VAT1L: variants seen among roughly 807,000 people sequenced by gnomAD.
The protein encoded by VAT1L is vesicle amine transport 1 like, also known as putative NADPH-dependent quinone oxidoreductase VAT1L.
In VAT1L, 34 loss-of-function variants were observed where a neutral mutation model predicts 44.1. That is an observed-to-expected ratio of 0.77 (90% confidence interval 0.59 to 1.03). The LOEUF (loss-of-function observed/expected upper bound fraction) is 1.03. Among genes scored for constraint, VAT1L ranks in the 50% least tolerant of loss-of-function variants. VAT1L has a pLI of 0.00. For synonymous variants in VAT1L, 253 were observed against 202.2 expected, an observed-to-expected ratio of 1.25 and a Z score of -2.13; for missense variants, 615 against 538.8, an observed-to-expected ratio of 1.14 and a Z score of -1.40.
At chr16:77,811,159 A>G (rs892108869) in intron 1 of VAT1L, among the ~76,000 whole-genome samples, 3 of 152,194 alleles carry the variant, frequency 2.0e-5, no homozygotes, top group African/African-American at 7.2e-5. Flanking sequence ...GATACTGACA[A>G]CCTGAGGAAA....
intron 1 of VAT1L, among the ~76,000 whole-genome samples, chr16:77,793,120 C>T (rs552774960): frequency 6.6e-6 from 1 of 152,088 alleles, no homozygotes; most frequent in East Asian, 1.9e-4. Context: ...AACTGGAACT[C>T]TTATATTTTG....
chr16:77,853,735 C>A (rs568315819), intron 3 of VAT1L, among the ~76,000 whole-genome samples: 90 of 152,146 alleles, frequency 5.9e-4, no homozygotes, highest in African/African-American at 2.0e-3. Context: ...AGGCTGCTGG[C>A]TCTGGCACCA....
rs189068966 is a variant in VAT1L at position 77,953,553 on chromosome 16, T to C, written c.1078-18297T>C. ...TTCTTTTTGTTTGGTTTTATTTTGT[T>C]TTTTTGATAAAGGGTCTCACTCTGT... On this transcript the variant is annotated intron_variant, in intron 7 of 8. Transcript: ENST00000302536. Among the ~76,000 whole-genome samples the C allele has an allele frequency of 3.8e-4, 58 of 152,332 alleles. 1 individual carries two copies. The highest frequency in any genetic ancestry group is 1.3e-3 in the African/African-American group (55 of 41,584).
At chr16:77,794,164 G>A (rs1165985003) in intron 1 of VAT1L, among the ~76,000 whole-genome samples, 1 of 152,126 alleles carries the variant, frequency 6.6e-6, no homozygotes, top group Non-Finnish European at 1.5e-5. Flanking sequence ...CAAATCATGA[G>A]AGATCAAGAG....
intron 7 of VAT1L, among the ~76,000 whole-genome samples, chr16:77,920,592 G>A (rs1462924927): frequency 6.6e-6 from 1 of 152,154 alleles, no homozygotes; most frequent in African/African-American, 2.4e-5. Flanking sequence ...TGTGGATATA[G>A]TCATGCTCTG....
intron 2 of VAT1L, among the ~76,000 whole-genome samples, chr16:77,823,149 T>A (rs925979024): frequency 6.6e-6 from 1 of 151,920 alleles, no homozygotes; most frequent in Non-Finnish European, 1.5e-5. Flanking sequence ...CTGGCCAACC[T>A]GGAAAATCCC....
intron 7 of VAT1L, among the ~76,000 whole-genome samples, chr16:77,960,792 C>A (rs1483566365): frequency 1.3e-5 from 2 of 152,090 alleles, no homozygotes; most frequent in East Asian, 3.9e-4. Context: ...AGGCTTCCAG[C>A]CACCCCACCT....
chr16:77,848,985 A>G (rs2016782849), intron 3 of VAT1L, among the ~76,000 whole-genome samples: 2 of 152,202 alleles, frequency 1.3e-5, no homozygotes, highest in African/African-American at 2.4e-5. Flanking sequence ...GTGGGTGGTG[A>G]ACAATGAGAA....
chr16:77,924,775 C>G (rs2017648226), intron 7 of VAT1L, among the ~76,000 whole-genome samples: 1 of 151,948 alleles, frequency 6.6e-6, no homozygotes, highest in Non-Finnish European at 1.5e-5. Context: ...CCCTTATTTT[C>G]ATATCCCCTC....
chr16:77,966,276 G>T (rs947356802), intron 7 of VAT1L, among the ~76,000 whole-genome samples: 3 of 152,186 alleles, frequency 2.0e-5, no homozygotes, highest in Non-Finnish European at 4.4e-5. Context: ...AACTTACAAG[G>T]CTGGGGTAAG....
At chr16:77,843,707 C>T (rs67660447) in intron 3 of VAT1L, among the ~76,000 whole-genome samples, 19,374 of 152,250 alleles carry the variant, frequency 0.13, 1,649 homozygotes, top group Non-Finnish European at 0.19. Flanking sequence ...CTTCACAGGG[C>T]CAAACAGAGG....
intron 1 of VAT1L, among the ~76,000 whole-genome samples, chr16:77,805,088 C>G (rs111695089): frequency 2.0e-5 from 3 of 152,244 alleles, no homozygotes; most frequent in Non-Finnish European, 2.9e-5. Context: ...GGAAGGGAGT[C>G]TGAGCATCCC....
chr16:77,888,850 A>G (rs577703021), intron 7 of VAT1L, among the ~76,000 whole-genome samples: 1 of 152,236 alleles, frequency 6.6e-6, no homozygotes, highest in Non-Finnish European at 1.5e-5. Flanking sequence ...AAGGAATTCT[A>G]CGTTCCTGTA....
Position 77,899,069 on chromosome 16 carries a change from A to G in VAT1L, c.1077+14267A>G, listed in dbSNP as rs143040491. 2.8e-3 allele frequency among the ~76,000 whole-genome samples: 425 copies of G among 152,328 alleles called. 4 individuals carry two copies. Among genetic ancestry groups the G allele is most frequent in the African/African-American group, 9.5e-3 (394 of 41,572 alleles). On this transcript the variant is annotated intron_variant, in intron 7 of 8. Transcript: ENST00000302536. ...TGGCTACAGTGTGATATCTGCCCAG[A>G]GCCAGGCACTGTGCTGAGCACTTTA...
At chr16:77,932,396 C>T (rs962783352) in intron 7 of VAT1L, among the ~76,000 whole-genome samples, 2 of 152,256 alleles carry the variant, frequency 1.3e-5, no homozygotes, top group African/African-American at 4.8e-5. Context: ...TGAGCCACCA[C>T]TCCCAACCAA....
chr16:77,860,875 G>A (rs930870569), intron 3 of VAT1L, among the ~76,000 whole-genome samples: 1 of 152,128 alleles, frequency 6.6e-6, no homozygotes, highest in African/African-American at 2.4e-5. Context: ...ATTTTAGGTA[G>A]GAAGTTTAAA....
At chr16:77,800,698 G>T (rs2032424186) in intron 1 of VAT1L, 2 of 152,082 alleles carry the variant, frequency 1.3e-5, no homozygotes, top group Non-Finnish European at 1.5e-5. Flanking sequence ...CTCCCTGCCT[G>T]CGCTGTGGCA....
chr16:77,896,818 A>G (rs530860809), intron 7 of VAT1L, among the ~76,000 whole-genome samples: 32 of 152,228 alleles, frequency 2.1e-4, no homozygotes, highest in Non-Finnish European at 4.1e-4. Flanking sequence ...TGTTACAAAG[A>G]AAATGCTCGT....
chr16:77,835,130 C>T (rs768660370), intron 3 of VAT1L, among the ~76,000 whole-genome samples: 11 of 152,084 alleles, frequency 7.2e-5, no homozygotes, highest in Non-Finnish European at 1.3e-4. Flanking sequence ...GTTCCTGCCA[C>T]GTCGTAAATG....
Sources: allele counts gnomAD v4.1 joint callset (sites outside exome capture counted in the v4.1 genomes callset), GRCh38; gene constraint gnomAD v4.1.1; transcripts MANE v1.5; gene names NCBI Gene and HGNC (gene_info 2026-07-23, HGNC 2026-07-21).